THSD4: variants seen among roughly 807,000 people sequenced by gnomAD.
The protein encoded by THSD4 is thrombospondin type-1 domain-containing protein 4.
A neutral mutation model predicts 119.0 loss-of-function variants in THSD4; 69 were observed. The observed-to-expected ratio is 0.58, with a 90% confidence interval of 0.48 to 0.71. THSD4 has a LOEUF of 0.71. Among genes scored for constraint, THSD4 ranks in the 30% least tolerant of loss-of-function variants. The probability of loss-of-function intolerance (pLI) is 0.00; values close to 1 mark genes in which losing one functional copy is unlikely to be tolerated. For synonymous variants in THSD4, 524 were observed against 540.4 expected (o/e 0.97, Z 0.42); for missense variants, 1,393 against 1,391.1 (o/e 1.00, Z -0.02).
chr15:71,369,204 A>G (rs1366507208), intron 6 of THSD4, among the ~76,000 whole-genome samples: 3 of 152,200 alleles, frequency 2.0e-5, no homozygotes, highest in Admixed American at 6.5e-5. Context: ...GGTTTTCTAA[A>G]TATACAATCA....
At chr15:71,131,893 G>A (rs1241586275) in intron 1 of THSD4, among the ~76,000 whole-genome samples, 2 of 152,134 alleles carry the variant, frequency 1.3e-5, no homozygotes, top group Non-Finnish European at 2.9e-5. Context: ...CCCGGACGAT[G>A]GTGGAATCAC....
chr15:71,737,702 A>T, intron 10 of THSD4, 30 bp from the exon 11 acceptor site: 1 of 1,566,700 alleles, frequency 6.4e-7, no homozygotes, highest in South Asian at 1.2e-5. Context: ...ACTGATCCTG[A>T]TTCTGTGTGT....
At chr15:71,462,761 T>C (rs1005583819) in intron 7 of THSD4, among the ~76,000 whole-genome samples, 2 of 152,212 alleles carry the variant, frequency 1.3e-5, no homozygotes, top group African/African-American at 4.8e-5. Context: ...TGTTCAGCCT[T>C]CTCTTTAAAG....
At chr15:71,279,157 G>A (rs894927298) in intron 6 of THSD4, among the ~76,000 whole-genome samples, 1 of 152,094 alleles carries the variant, frequency 6.6e-6, no homozygotes, top group Non-Finnish European at 1.5e-5. Context: ...TGGAGGGGAG[G>A]ACTCTTACAT....
At chr15:71,345,437 G>A (rs962555811) in intron 6 of THSD4, among the ~76,000 whole-genome samples, 1 of 152,154 alleles carries the variant, frequency 6.6e-6, no homozygotes, top group Non-Finnish European at 1.5e-5. Flanking sequence ...AACGGAGCTG[G>A]TGCCGTCTGA....
At chr15:71,361,351 G>T (rs960071726) in intron 6 of THSD4, among the ~76,000 whole-genome samples, 4 of 152,142 alleles carry the variant, frequency 2.6e-5, no homozygotes, top group African/African-American at 9.7e-5. Context: ...CAAAAGAAAA[G>T]AGAACAAAAA....
Position 71,777,364 on chromosome 15 carries a change from G to A in THSD4, c.3047G>A (p.Gly1016Glu). 2 of 1,613,746 alleles carry A rather than the reference G, an allele frequency of 1.2e-6. No individual in the cohort carries two copies. Among genetic ancestry groups the A allele is most frequent in the Non-Finnish European group, 1.7e-6 (2 of 1,179,952 alleles). ...RVANRQTGFL[G>E]SR ...GCCAACAGGCAGACGGGCTTCCTGG[G>A]GAGCAGATAACACTCCTGCACCCCC... Residue 1016 changes from glycine to glutamate, a missense_variant, in exon 18 of 18, where the codon GGG becomes GAG. Gly to Glu is a moderately conservative substitution (Grantham distance 98). Transcript: ENST00000261862.
chr15:71,532,131 C>T (rs1361525350), intron 7 of THSD4, among the ~76,000 whole-genome samples: 1 of 152,060 alleles, frequency 6.6e-6, no homozygotes, highest in Non-Finnish European at 1.5e-5. Context: ...AGACATGCAA[C>T]GGTGGTCACT....
At chr15:71,100,188 A>G (rs546995087) in intron 1 of THSD4, among the ~76,000 whole-genome samples, 1 of 152,312 alleles carries the variant, frequency 6.6e-6, no homozygotes, top group African/African-American at 2.4e-5. Flanking sequence ...AAGTATGAAC[A>G]GGTTTGGAGA....
At chr15:71,297,577 G>T (rs942202052) in intron 6 of THSD4, among the ~76,000 whole-genome samples, 3 of 152,016 alleles carry the variant, frequency 2.0e-5, no homozygotes, top group African/African-American at 7.2e-5. Context: ...CTTGTGATCC[G>T]CCTGCCTTGG....
chr15:71,328,800 C>T (rs1223215630), intron 6 of THSD4, among the ~76,000 whole-genome samples: 2 of 152,168 alleles, frequency 1.3e-5, no homozygotes, highest in Non-Finnish European at 2.9e-5. Context: ...AAAGTTATGG[C>T]CCTCTGCAGA....
At chr15:71,474,373 CT>C (rs2047628081) in intron 7 of THSD4, among the ~76,000 whole-genome samples, 1 of 152,104 alleles carries the variant, frequency 6.6e-6, no homozygotes, top group South Asian at 2.1e-4. Context: ...GCGCCTGCCC[CT>C]GTGCCTGGCT....
intron 6 of THSD4, among the ~76,000 whole-genome samples, chr15:71,328,498 TTATC>T (rs1365136748): frequency 2.0e-5 from 3 of 152,186 alleles, no homozygotes; most frequent in African/African-American, 7.2e-5. Flanking sequence ...CAATATATAT[TTATC>T]AAGCATCCAC....
intron 9 of THSD4, chr15:71,728,952 G>A (rs772407311): frequency 8.4e-5 from 48 of 568,860 alleles, no homozygotes; most frequent in African/African-American, 1.3e-4. Flanking sequence ...TATTACCTTC[G>A]GAGTTTATTG....
At chr15:71,769,919 A>G (rs2053787162) in intron 16 of THSD4, among the ~76,000 whole-genome samples, 1 of 68,004 alleles carries the variant, frequency 1.5e-5, no homozygotes, top group Non-Finnish European at 2.8e-5. Context: ...TCAATAAAAA[A>G]AATAAATTTA....
At chr15:71,401,755 C>T (rs1238752514) in intron 6 of THSD4, among the ~76,000 whole-genome samples, 6 of 152,182 alleles carry the variant, frequency 3.9e-5, no homozygotes, top group African/African-American at 1.2e-4. Flanking sequence ...TTACTGGGTA[C>T]ATACCCAAAG....
At chr15:71,118,666 CTT>C (rs1002398147) in intron 1 of THSD4, among the ~76,000 whole-genome samples, 1 of 152,190 alleles carries the variant, frequency 6.6e-6, no homozygotes, top group African/African-American at 2.4e-5. Context: ...GTTTTCCCAT[CTT>C]TTTCTTTGCG....
At chr15:71,369,653 G>A (rs1354207804) in intron 6 of THSD4, among the ~76,000 whole-genome samples, 3 of 152,168 alleles carry the variant, frequency 2.0e-5, no homozygotes, top group Non-Finnish European at 4.4e-5. Flanking sequence ...TGGTGGATAA[G>A]CTTTTTGATG....
chr15:71,347,178 C>T (rs1424971226), intron 6 of THSD4, among the ~76,000 whole-genome samples: 1 of 151,978 alleles, frequency 6.6e-6, no homozygotes, highest in East Asian at 1.9e-4. Context: ...CCGGCTCATT[C>T]TCATTTTCTC....
Sources: gnomAD v4.1 joint callset for allele counts (sites outside exome capture counted in the v4.1 genomes callset) on GRCh38, gnomAD v4.1.1 for gene constraint, MANE v1.5 for transcripts, NCBI Gene and HGNC (gene_info 2026-07-23, HGNC 2026-07-21) for gene names.